KCNN3: variants seen among roughly 807,000 people sequenced by gnomAD.
KCNN3 encodes small conductance calcium-activated potassium channel protein 3.
KCNN3 carries 16 observed loss-of-function variants against 62.9 expected under a neutral mutation model. That is an observed-to-expected ratio of 0.25 (90% confidence interval 0.17 to 0.39). The LOEUF is 0.39. KCNN3 is among the 10% of genes least tolerant of loss of function. KCNN3 has a pLI of 1.00. For synonymous variants in KCNN3, 370 were observed against 389.2 expected, an observed-to-expected ratio of 0.95 and a Z score of 0.58; for missense variants, 599 against 949.4, an observed-to-expected ratio of 0.63 and a Z score of 4.85.
intron 3 of KCNN3, among the ~76,000 whole-genome samples, chr1:154,767,025 G>T (rs1648328154): frequency 6.6e-6 from 1 of 152,092 alleles, no homozygotes; most frequent in East Asian, 1.9e-4. Flanking sequence ...TCTTGGAGGG[G>T]GTAGGAGGTT....
At chr1:154,800,400 G>A (rs1271402725) in intron 2 of KCNN3, among the ~76,000 whole-genome samples, 2 of 152,196 alleles carry the variant, frequency 1.3e-5, no homozygotes, top group Non-Finnish European at 2.9e-5. Context: ...TGTCCTCACA[G>A]AGCTGTTGCT....
chr1:154,793,369 G>C (rs548475134), intron 2 of KCNN3, among the ~76,000 whole-genome samples: 1 of 152,220 alleles, frequency 6.6e-6, no homozygotes, highest in East Asian at 1.9e-4. Flanking sequence ...TTTACACCTG[G>C]AGTTTCATCC....
chr1:154,853,724 ACT>A (rs1652400568), intron 1 of KCNN3, among the ~76,000 whole-genome samples: 1 of 151,942 alleles, frequency 6.6e-6, no homozygotes. Flanking sequence ...CAGGCAGATC[ACT>A]TGAGGTCAGG....
chr1:154,772,464 G>GTGGGGCAGGC lies in KCNN3; in HGVS notation c.1030-81_1030-72dup, dbSNP rs1156648920. 13 of 1,514,180 alleles carry GTGGGGCAGGC rather than the reference G, an allele frequency of 8.6e-6. No homozygotes were observed. The Admixed American group carries it at 2.3e-4, about 27-fold the overall frequency. 93.8% of individuals were successfully genotyped at this position (1,514,180 alleles called of 1,614,324 possible). A position where few individuals can be genotyped will look rare whatever the true frequency, so the allele number is the denominator to read the frequency against. On this transcript the variant is annotated intron_variant, in intron 2 of 7. Coordinates refer to ENST00000271915, the MANE Select transcript of KCNN3 (RefSeq NM_002249.6). This position sits in a 1 kb window ranked among gnomAD's most constrained non-coding sequence, Gnocchi z 5.6. ...CCACAGCAGGGTCCAGGCAGGACAG[G>GTGGGGCAGGC]TGGGGCAGGCTGGGGCAGGCTGCTG...
chr1:154,770,717 ACG>A (rs2101837774), intron 3 of KCNN3, among the ~76,000 whole-genome samples: 1 of 152,336 alleles, frequency 6.6e-6, no homozygotes, highest in East Asian at 1.9e-4. Context: ...GAGCAGAATC[ACG>A]GTTTCTAACC....
At chr1:154,868,572 AAAG>A (rs1653040530) in intron 1 of KCNN3, among the ~76,000 whole-genome samples, 1 of 145,266 alleles carries the variant, frequency 6.9e-6, no homozygotes, top group Non-Finnish European at 1.5e-5. Flanking sequence ...GGAGGGGAGG[AAAG>A]AAGGGGAAGT....
chr1:154,739,746 A>T (rs1219759017), intron 3 of KCNN3, among the ~76,000 whole-genome samples: 1 of 152,242 alleles, frequency 6.6e-6, no homozygotes, highest in Non-Finnish European at 1.5e-5. Flanking sequence ...ATCTCTCACT[A>T]GTTATCTTTT....
chr1:154,835,456 T>C (rs2101906127), intron 1 of KCNN3, among the ~76,000 whole-genome samples: 1 of 152,314 alleles, frequency 6.6e-6, no homozygotes, highest in African/African-American at 2.4e-5. Flanking sequence ...GTGCACTCCA[T>C]TAGCAGACAC....
At chr1:154,859,874 T>A in intron 1 of KCNN3, 1 of 1,520,716 alleles carries the variant, frequency 6.6e-7, no homozygotes, top group South Asian at 1.2e-5. Flanking sequence ...ACTCCTGTCC[T>A]TTAAGAAAAA....
At chr1:154,803,975 C>T (rs1241812835) in intron 2 of KCNN3, among the ~76,000 whole-genome samples, 3 of 152,184 alleles carry the variant, frequency 2.0e-5, no homozygotes, top group South Asian at 4.1e-4. Flanking sequence ...TTTAAGACCC[C>T]GTCTCCCCGT....
intron 1 of KCNN3, among the ~76,000 whole-genome samples, chr1:154,826,072 AACAAAAACAAAAAC>A: frequency 5.3e-5 from 1 of 18,904 alleles, no homozygotes; most frequent in Admixed American, 9.6e-4. Context: ...CAAAAACAAA[AACAAAAACAAAAAC>A]AAAAAAAACC....
intron 3 of KCNN3, among the ~76,000 whole-genome samples, chr1:154,738,460 G>A (rs567105235): frequency 1.8e-4 from 28 of 152,198 alleles, no homozygotes; most frequent in African/African-American, 5.8e-4. Flanking sequence ...AGGTTGTCAC[G>A]GGTTTGCCTC....
rs1202331518 is a variant in KCNN3, at chr1:154,703,116, T to G, written c.*4860A>C. 2.0e-5 allele frequency: 3 copies of G among 152,190 alleles called. No individual in the cohort carries two copies. The highest frequency in any genetic ancestry group is 4.4e-5 in the Non-Finnish European group (3 of 68,042). The allele number at this position is 152,190 out of a possible 1,614,324, so 9.4% of individuals were successfully genotyped here. A position where few individuals can be genotyped will look rare whatever the true frequency, so the allele number is the denominator to read the frequency against. On this transcript the variant is annotated 3_prime_UTR_variant, in exon 8 of 8. Coordinates refer to ENST00000271915, the MANE Select transcript of KCNN3 (RefSeq NM_002249.6). ...TATATACCATTGCACTGAGTACTTT[T>G]TAATAAGCTGTGGTCTGTTTCAATA...
intron 1 of KCNN3, among the ~76,000 whole-genome samples, chr1:154,865,313 G>A (rs1261334217): frequency 2.6e-5 from 4 of 151,454 alleles, no homozygotes; most frequent in Non-Finnish European, 5.9e-5. Flanking sequence ...ACCAGGCCTC[G>A]TCACAATGTC....
chr1:154,733,644 C>T (rs553422088), intron 3 of KCNN3, among the ~76,000 whole-genome samples: 1 of 152,258 alleles, frequency 6.6e-6, no homozygotes, highest in South Asian at 2.1e-4. Context: ...TGGAGGGAAG[C>T]TGTGGTGGTT....
chr1:154,707,777 G>T lies in KCNN3; in HGVS notation c.*199C>A. ...CTCCTCTTCCCGCTCCCAAGTAGAG[G>T]CACCTAAACAGAGATTAGATTTCTG... On this transcript the variant is annotated 3_prime_UTR_variant, in exon 8 of 8. Coordinates refer to ENST00000271915, the MANE Select transcript of KCNN3 (RefSeq NM_002249.6). 1 of 602,398 alleles carries T rather than the reference G, an allele frequency of 1.7e-6. No individual in the cohort carries two copies. Among genetic ancestry groups the T allele is most frequent in the Non-Finnish European group, 2.8e-6 (1 of 355,878 alleles). 37.3% of individuals were successfully genotyped at this position (602,398 alleles called of 1,614,324 possible). A position where few individuals can be genotyped will look rare whatever the true frequency, so the allele number is the denominator to read the frequency against.
chr1:154,717,984 C>G (rs1700266053), intron 5 of KCNN3, among the ~76,000 whole-genome samples: 1 of 152,074 alleles, frequency 6.6e-6, no homozygotes, highest in South Asian at 2.1e-4. Context: ...ATTTGCCGAG[C>G]CTCCAAAGGG....
At chr1:154,712,611 T>G (rs988837519) in intron 7 of KCNN3, among the ~76,000 whole-genome samples, 2 of 152,222 alleles carry the variant, frequency 1.3e-5, no homozygotes, top group Non-Finnish European at 2.9e-5. Context: ...GGGAATGTGT[T>G]CCATTATGAT....
At chr1:154,833,777 C>T (rs1435813728) in intron 1 of KCNN3, among the ~76,000 whole-genome samples, 1 of 152,210 alleles carries the variant, frequency 6.6e-6, no homozygotes, top group African/African-American at 2.4e-5. Context: ...CACCCCTCTG[C>T]AGCTACTCAA....
Sources: allele counts gnomAD v4.1 joint callset (sites outside exome capture counted in the v4.1 genomes callset), GRCh38; gene constraint gnomAD v4.1.1; non-coding constraint Gnocchi (gnomAD v3.1); transcripts MANE v1.5; gene names NCBI Gene and HGNC (gene_info 2026-07-23, HGNC 2026-07-21).